Variants in UPF2 observed in about 807,000 individuals in gnomAD.
UPF2 encodes regulator of nonsense transcripts 2.
UPF2 carries 17 observed loss-of-function variants against 141.4 expected under a neutral mutation model. The observed-to-expected ratio is 0.12, with a 90% CI of 0.08 to 0.18. UPF2 has a LOEUF of 0.18. Ranked by LOEUF, UPF2 falls within the 10% of genes least tolerant of loss-of-function variation. UPF2 has a pLI of 1.00. For synonymous variants in UPF2, 540 were observed against 498.0 expected, an observed-to-expected ratio of 1.08 and a Z score of -1.12; for missense variants, 1,152 against 1,515.9, an observed-to-expected ratio of 0.76 and a Z score of 3.99.
At position 11,942,740 on chromosome 10, in the gene UPF2, T is replaced by C. The variant is rs1832951909; in HGVS notation, c.3303A>G (p.Gly1101=). 6.2e-7 allele frequency: 1 copy of C among 1,613,914 alleles called. No individual in the cohort carries two copies. The highest frequency in any genetic ancestry group is 1.7e-5 in the Admixed American group (1 of 60,022). Residue 1101 remains glycine, a synonymous_variant, in exon 18 of 22, where the codon GGA becomes GGG. Transcript: ENST00000357604. ...CTTCTACACAAGGTACATGCTTAAG[T>C]CCACCGCCTTTAATCATTACCTCCT... ...ENTEVMIKGG[G]LKHVPCVEDE...
chr10:11,967,478 A>G, intron 9 of UPF2, 24 bp from the exon 10 acceptor site: 1 of 1,381,140 alleles, frequency 7.2e-7, no homozygotes, highest in Non-Finnish European at 1.0e-6. Flanking sequence ...GAGAAAAGAT[A>G]ATGCTTAATC....
At chr10:11,964,324 A>C (rs561545521) in intron 10 of UPF2, among the ~76,000 whole-genome samples, 199 bp from the exon 11 acceptor site, 2 of 152,332 alleles carry the variant, frequency 1.3e-5, no homozygotes, top group South Asian at 4.1e-4. Context: ...GACGTCTTTC[A>C]CAGAAAGATA....
At chr10:12,035,642 G>C in intron 1 of UPF2, 1 of 518,572 alleles carries the variant, frequency 1.9e-6, no homozygotes, top group Admixed American at 4.0e-5. Flanking sequence ...TTAGGCCTAT[G>C]TCTAAGTACT....
At position 12,029,071 on chromosome 10, in the gene UPF2, T is replaced by A. The variant is rs1205451019; in HGVS notation, c.819A>T (p.Thr273=). The A allele has an allele frequency of 6.2e-7, 1 of 1,614,204 alleles. No homozygotes were observed. Among genetic ancestry groups the A allele is most frequent in the African/African-American group, 1.3e-5 (1 of 75,058 alleles). Residue 273 remains threonine (T), a synonymous_variant, in exon 3 of 22, where the codon ACA becomes ACT. Transcript: ENST00000357604. ...RTDLRFIAEL[T]IVGIFTDKEG... ...CCTTGTCAGTGAAAATCCCAACTAT[T>A]GTCAATTCTGCAATAAAACGCAAAT...
At position 11,952,039 on chromosome 10, in the gene UPF2, A is replaced by T. The variant is rs973719695; in HGVS notation, c.3034+27T>A. On this transcript the variant is annotated intron_variant, in intron 15 of 21. Transcript: ENST00000357604. The stretch of plus-strand genomic sequence containing the variant: ...AAATAATCTGCCAAATATCACCTTC[A>T]TTTTCTGTCTGCAATCAATTGCTTA... The T allele has an allele frequency of 7.5e-6, 12 of 1,606,610 alleles. No homozygotes were observed. In the Admixed American group the frequency reaches 2.0e-4, roughly 27 times the overall value.
In UPF2 at chr10:11,959,890, CTACT is replaced by C. The variant is rs1833213098; in HGVS notation, c.2185-538_2185-535del. Among the ~76,000 whole-genome samples the C allele has an allele frequency of 6.6e-6, 1 of 152,238 alleles. No individual in the cohort carries two copies. Among genetic ancestry groups the C allele is most frequent in the Admixed American group, 6.5e-5 (1 of 15,282 alleles). On this transcript the variant is annotated intron_variant, in intron 11 of 21. Transcript: ENST00000357604. This position sits in a 1 kb window ranked among gnomAD's most constrained non-coding sequence, Gnocchi z 5.9. ...ATTTTTAGAACATACTAGCCCGTGCCTACTTAGCCTTACGTTTCATCCAATAAAA... is the reference window on the plus strand; with the variant it reads ...ATTTTTAGAACATACTAGCCCGTGCCTAGCCTTACGTTTCATCCAATAAAA...
chr10:11,922,936 C>T (rs887115794), intron 21 of UPF2, among the ~76,000 whole-genome samples: 4 of 152,136 alleles, frequency 2.6e-5, no homozygotes, highest in Non-Finnish European at 5.9e-5. Flanking sequence ...TACTGAGAGG[C>T]TGAGGCAGGA....
At chr10:11,983,344 A>G (rs2131235013) in intron 8 of UPF2, among the ~76,000 whole-genome samples, 1 of 152,172 alleles carries the variant, frequency 6.6e-6, no homozygotes, top group South Asian at 2.1e-4. Flanking sequence ...CATTCCTAAG[A>G]TCAATCTTCT....
At chr10:11,928,885 C>T (rs1832747324) in intron 21 of UPF2, among the ~76,000 whole-genome samples, 1 of 152,194 alleles carries the variant, frequency 6.6e-6, no homozygotes, top group Non-Finnish European at 1.5e-5. Flanking sequence ...CATGGTGGCT[C>T]ACGCCTGTAA....
chr10:11,926,741 G>C (rs1832718051), intron 21 of UPF2, among the ~76,000 whole-genome samples: 1 of 152,180 alleles, frequency 6.6e-6, no homozygotes, highest in Non-Finnish European at 1.5e-5. Context: ...CACTGGGGTG[G>C]GCAATGCCTC....
intron 21 of UPF2, among the ~76,000 whole-genome samples, chr10:11,928,924 C>T (rs1832747910): frequency 6.6e-6 from 1 of 152,104 alleles, no homozygotes. Context: ...CCAAGGCGGG[C>T]AATCACCTGA....
At chr10:11,982,795 T>C (rs1294321921) in intron 8 of UPF2, among the ~76,000 whole-genome samples, 1 of 152,110 alleles carries the variant, frequency 6.6e-6, no homozygotes, top group Non-Finnish European at 1.5e-5. Flanking sequence ...TAATTTTGTG[T>C]CTTTAGTAGA....
At chr10:11,945,149 C>A (rs955282082) in intron 16 of UPF2, among the ~76,000 whole-genome samples, 1 of 152,152 alleles carries the variant, frequency 6.6e-6, no homozygotes, top group Non-Finnish European at 1.5e-5. Flanking sequence ...GGAGTTATCA[C>A]GGAAGAACAT....
intron 16 of UPF2, among the ~76,000 whole-genome samples, chr10:11,945,582 T>C (rs917876631): frequency 2.0e-5 from 3 of 152,180 alleles, no homozygotes; most frequent in African/African-American, 7.2e-5. Context: ...CATTTTTATG[T>C]AGCAAACACA....
At position 11,956,523 on chromosome 10, in the gene UPF2, C is replaced by T; in HGVS notation, c.2371G>A (p.Val791Ile). Residue 791 changes from valine to isoleucine, a missense_variant and splice_region_variant, in exon 13 of 22, where the codon GTT becomes ATT. By Grantham distance (29) the Val-to-Ile change is conservative. Transcript: ENST00000357604. This position sits in a 1 kb window ranked among gnomAD's most constrained non-coding sequence, Gnocchi z 4.2. ...GGCAGCTTTCGCATCTGTCTCAAAA[C>T]CTAAAAAAAGAGAATTTTGTTCAAA... ...KDLSKVTTEK[V>I]LRQMRKLPWQ... 6.2e-7 allele frequency: 1 copy of T among 1,612,362 alleles called. No individual in the cohort carries two copies. The highest frequency in any genetic ancestry group is 1.1e-5 in the South Asian group (1 of 90,790).
Position 11,955,475 on chromosome 10 carries a change from G to A in UPF2, c.2607C>T (p.Ile869=). The part of the protein sequence containing the change: ...VNQPKFNQRR[I]SSAKFLGELY... ...GTTCTCCTAAGAACTTGGCACTGCT[G>A]ATGCGCCTCTGATTAAATTTAGGTT... Residue 869 remains isoleucine (I), a synonymous_variant, in exon 14 of 22, where the codon ATC becomes ATT. Coordinates refer to ENST00000357604, the MANE Select transcript of UPF2 (RefSeq NM_015542.4). The A allele has an allele frequency of 6.2e-7, 1 of 1,612,860 alleles. No individual in the cohort carries two copies. Among genetic ancestry groups the A allele is most frequent in the Non-Finnish European group, 8.5e-7 (1 of 1,179,612 alleles).
At position 12,035,209 on chromosome 10, in the gene UPF2, C is replaced by T. The variant is rs774216170; in HGVS notation, c.215G>A (p.Arg72His). Residue 72 changes from arginine to histidine, a missense_variant, in exon 2 of 22, where the codon CGC (arginine) becomes CAC (histidine). By Grantham distance (29) the Arg-to-His change is conservative. This residue lies in a region of UPF2 where 145 missense variants were observed against 136.5 expected (regional missense o/e 1.06). Transcript: ENST00000357604. Reference protein sequence around the residue: ...DDKRKKEDKERKKKDEEKVKA... With the variant: ...DDKRKKEDKEHKKKDEEKVKA... ...CACCTTTTCTTCGTCTTTTTTCTTG[C>T]GTTCCTTGTCTTCCTTTTTTCTCTT... 31 of 1,612,932 alleles carry T rather than the reference C, an allele frequency of 1.9e-5. No homozygotes were observed. The highest frequency in any genetic ancestry group is 2.2e-5 in the East Asian group (1 of 44,864).
chr10:12,004,790 A>AT (rs1834008658), intron 4 of UPF2, 63 bp from the exon 5 acceptor site: 1 of 1,507,850 alleles, frequency 6.6e-7, no homozygotes, highest in Non-Finnish European at 9.0e-7. Flanking sequence ...TAAACATGAC[A>AT]TAAGTTATTT....
rs1455708731 is a variant in UPF2, at chr10:12,042,009, G to C, written c.-19+746C>G. 1.3e-5 allele frequency among the ~76,000 whole-genome samples: 2 copies of C among 152,156 alleles called. No homozygotes were observed. Among genetic ancestry groups the C allele is most frequent in the East Asian group, 3.8e-4 (2 of 5,198 alleles). On this transcript the variant is annotated intron_variant, in intron 1 of 21. Transcript: ENST00000357604. This position sits in a 1 kb window ranked among gnomAD's most constrained non-coding sequence, Gnocchi z 5.5. Reference sequence around the variant, plus strand: ...TCACTTCCTTAGTCCAACAGTCCTAGCAAGAAGAGAGTGCTTGGCGCCTTG... The same window carrying C: ...TCACTTCCTTAGTCCAACAGTCCTACCAAGAAGAGAGTGCTTGGCGCCTTG...
Sources: gnomAD v4.1 joint callset for allele counts (sites outside exome capture counted in the v4.1 genomes callset) on GRCh38, gnomAD v4.1.1 for gene constraint, gnomAD v4.1.1 regional missense constraint, Gnocchi (gnomAD v3.1) non-coding constraint, MANE v1.5 for transcripts, NCBI Gene and HGNC (gene_info 2026-07-23, HGNC 2026-07-21) for gene names.